The following GATB variants were observed in gnomAD, a reference collection of about 807,000 sequenced individuals.
The protein encoded by GATB is glutamyl-tRNA(Gln) amidotransferase subunit B, mitochondrial.
A neutral mutation model predicts 62.3 loss-of-function variants in GATB; 39 were observed. The ratio of observed to expected loss-of-function variants is 0.63; its 90% confidence interval spans 0.48 to 0.82. The LOEUF (loss-of-function observed/expected upper bound fraction) is 0.82, where lower values mean the gene tolerates loss of function less well. Ranked by LOEUF, GATB falls within the 40% of genes least tolerant of loss-of-function variation. The probability of loss-of-function intolerance (pLI) is 0.00; values close to 1 mark genes in which losing one functional copy is unlikely to be tolerated. For missense variants in GATB, 670 were observed against 684.0 expected (o/e 0.98, Z 0.23); for synonymous variants, 276 against 258.9 (o/e 1.07, Z -0.63).
At chr4:151,671,513 C>G (rs796877362) in intron 12 of GATB, among the ~76,000 whole-genome samples, 11 of 152,260 alleles carry the variant, frequency 7.2e-5, no homozygotes, top group African/African-American at 2.4e-4. Context: ...ACTCTGCTTT[C>G]TGATTAAAAT....
intron 9 of GATB, among the ~76,000 whole-genome samples, chr4:151,693,825 G>A (rs1578904821): frequency 1.3e-5 from 2 of 152,180 alleles, no homozygotes; most frequent in South Asian, 4.1e-4. Flanking sequence ...GTTCCATTTA[G>A]GGGATATTCA....
chr4:151,738,094 C>T (rs553437677), intron 2 of GATB, among the ~76,000 whole-genome samples: 12 of 152,270 alleles, frequency 7.9e-5, no homozygotes, highest in African/African-American at 2.6e-4. Flanking sequence ...AAGGTAGATC[C>T]ACTGACAGTT....
At chr4:151,751,967 T>C (rs563836061) in intron 2 of GATB, among the ~76,000 whole-genome samples, 1 of 152,336 alleles carries the variant, frequency 6.6e-6, no homozygotes, top group South Asian at 2.1e-4. Flanking sequence ...AACTTCTCTA[T>C]TATTCCAGCA....
intron 2 of GATB, among the ~76,000 whole-genome samples, chr4:151,734,258 A>G (rs1056579011): frequency 2.0e-5 from 3 of 152,140 alleles, no homozygotes; most frequent in African/African-American, 7.2e-5. Context: ...TCCAGATACA[A>G]TTAACATACA....
intron 2 of GATB, among the ~76,000 whole-genome samples, chr4:151,729,644 G>A (rs1465070873): frequency 1.3e-5 from 2 of 152,164 alleles, no homozygotes; most frequent in South Asian, 2.1e-4. Flanking sequence ...AAATCTAGGT[G>A]CAGGATGGAT....
Position 151,752,803 on chromosome 4 carries a change from G to A in GATB, c.327+5969C>T, listed in dbSNP as rs998307954. On this transcript the variant is annotated intron_variant, in intron 2 of 12. Coordinates refer to ENST00000263985, the MANE Select transcript of GATB (RefSeq NM_004564.3). Reference sequence around the variant, plus strand: ...CTATCATGTTGGAGAATCTCCTCAAGTGCCTGGTGATTTTTGGCTCTCAAT... The same window carrying A: ...CTATCATGTTGGAGAATCTCCTCAAATGCCTGGTGATTTTTGGCTCTCAAT... Among the ~76,000 whole-genome samples the A allele has an allele frequency of 1.8e-4, 28 of 152,102 alleles. 1 individual carries two copies. Among genetic ancestry groups the A allele is most frequent in the Admixed American group, 1.6e-3 (24 of 15,276 alleles).
intron 6 of GATB, among the ~76,000 whole-genome samples, chr4:151,707,519 G>A (rs6841515): frequency 2.0e-5 from 3 of 151,992 alleles, no homozygotes; most frequent in African/African-American, 2.4e-5. Context: ...TCTTGAACTC[G>A]TGGCCTCAAG....
At chr4:151,678,393 GT>G (rs1247072163) in intron 11 of GATB, among the ~76,000 whole-genome samples, 1 of 152,022 alleles carries the variant, frequency 6.6e-6, no homozygotes, top group Non-Finnish European at 1.5e-5. Context: ...AAAGGGGAAG[GT>G]TTTTCCCTTC....
intron 9 of GATB, among the ~76,000 whole-genome samples, chr4:151,699,940 G>A (rs1359627516): frequency 6.6e-6 from 1 of 152,162 alleles, no homozygotes; most frequent in African/African-American, 2.4e-5. Flanking sequence ...AAATCTTCGA[G>A]GCTGAGTAGC....
chr4:151,751,012 A>T (rs1041701285), intron 2 of GATB, among the ~76,000 whole-genome samples: 1 of 152,150 alleles, frequency 6.6e-6, no homozygotes, highest in African/African-American at 2.4e-5. Flanking sequence ...GTAACATAAA[A>T]GTCCATAAAG....
In GATB at chr4:151,672,906, A is replaced by G. The variant is rs752593183; in HGVS notation, c.1411-10T>C. The G allele has an allele frequency of 6.2e-7, 1 of 1,613,730 alleles. No individual in the cohort carries two copies. Among genetic ancestry groups the G allele is most frequent in the Non-Finnish European group, 8.5e-7 (1 of 1,179,720 alleles). On this transcript the variant is annotated splice_polypyrimidine_tract_variant and intron_variant, in intron 11 of 12. Transcript: ENST00000263985. Reference sequence around the variant, plus strand: ...ACAGTTCCTCAAACACCTATGGACCAGAGAAGGGAGAGGAAAGAGAAATGA... The same window carrying G: ...ACAGTTCCTCAAACACCTATGGACCGGAGAAGGGAGAGGAAAGAGAAATGA...
At chr4:151,704,359 A>C (rs1738667926) in intron 7 of GATB, among the ~76,000 whole-genome samples, 1 of 152,252 alleles carries the variant, frequency 6.6e-6, no homozygotes, top group African/African-American at 2.4e-5. Context: ...AGAGAAGGAA[A>C]GGGCCTAAAA....
intron 4 of GATB, 61 bp downstream of exon 4, chr4:151,716,815 G>T: frequency 6.7e-7 from 1 of 1,484,886 alleles, no homozygotes. Flanking sequence ...GGTGAAAAGA[G>T]GGCCCTGCTA....
chr4:151,688,513 C>T, intron 10 of GATB, 117 bp downstream of exon 10: 1 of 942,808 alleles, frequency 1.1e-6, no homozygotes, highest in Non-Finnish European at 1.6e-6. Context: ...ATGTTTGTGT[C>T]ATGTCAGGAT....
At chr4:151,721,996 C>A in intron 2 of GATB, 1 of 570,260 alleles carries the variant, frequency 1.8e-6, no homozygotes, top group Non-Finnish European at 3.1e-6. Context: ...GATTTAGAAG[C>A]CATGAAGTAC....
intron 2 of GATB, chr4:151,722,294 C>T (rs1385363000): frequency 4.4e-6 from 3 of 688,668 alleles, no homozygotes; most frequent in Non-Finnish European, 7.9e-6. Flanking sequence ...TGTCTCTGCC[C>T]TCAATGAATC....
intron 5 of GATB, among the ~76,000 whole-genome samples, 197 bp downstream of exon 5, chr4:151,715,812 A>G (rs1394744799): frequency 6.6e-6 from 1 of 152,220 alleles, no homozygotes; most frequent in African/African-American, 2.4e-5. Context: ...TTGGGGGCTC[A>G]TCAAAGAATC....
Position 151,716,209 on chromosome 4 carries a change from A to G in GATB, c.641-78T>C, listed in dbSNP as rs536765841. The G allele has an allele frequency of 3.4e-5, 51 of 1,520,602 alleles. No individual in the cohort carries two copies. The South Asian group carries it at 3.5e-4, about 10-fold the overall frequency. 94.2% of individuals were successfully genotyped at this position (1,520,602 alleles called of 1,614,324 possible). On this transcript the variant is annotated intron_variant, in intron 4 of 12. Coordinates refer to ENST00000263985, the MANE Select transcript of GATB (RefSeq NM_004564.3). ...AGAAAAATTAGGCCTAAGTTTCAGG[A>G]AAACCCTGCCTTACTGAAGGACTCT...
intron 9 of GATB, among the ~76,000 whole-genome samples, 173 bp downstream of exon 9, chr4:151,701,156 G>C (rs540868811): frequency 1.3e-5 from 2 of 152,250 alleles, no homozygotes; most frequent in South Asian, 2.1e-4. Context: ...TACCATAAAG[G>C]GTAGTGAGCA....
Sources: allele counts gnomAD v4.1 joint callset (sites outside exome capture counted in the v4.1 genomes callset), GRCh38; gene constraint gnomAD v4.1.1; transcripts MANE v1.5; gene names NCBI Gene and HGNC (gene_info 2026-07-23, HGNC 2026-07-21).